Variants in TACR3 observed in about 807,000 individuals in gnomAD.
TACR3 encodes the protein tachykinin receptor 3.
In TACR3, 34 loss-of-function variants were observed where a neutral mutation model predicts 35.0. The observed-to-expected ratio is 0.97, with a 90% confidence interval of 0.74 to 1.30. The LOEUF is 1.30. TACR3 is among the 50% of genes most tolerant of loss of function. The probability of loss-of-function intolerance (pLI) is 0.00; values close to 1 mark genes in which losing one functional copy is unlikely to be tolerated. For missense variants in TACR3, 558 were observed against 591.7 expected, an observed-to-expected ratio of 0.94 and a Z score of 0.59; for synonymous variants, 233 against 221.1, an observed-to-expected ratio of 1.05 and a Z score of -0.48.
chr4:103,611,776 C>T (rs955762404), intron 3 of TACR3, among the ~76,000 whole-genome samples: 5 of 152,132 alleles, frequency 3.3e-5, no homozygotes, highest in African/African-American at 9.7e-5. Flanking sequence ...AACATCCACA[C>T]CTCAGTAAGT....
chr4:103,714,849 G>A (rs1476484671), intron 1 of TACR3, among the ~76,000 whole-genome samples: 1 of 152,078 alleles, frequency 6.6e-6, no homozygotes, highest in Non-Finnish European at 1.5e-5. Context: ...TAAGACCTCA[G>A]TATTTCTCAT....
intron 1 of TACR3, among the ~76,000 whole-genome samples, chr4:103,676,135 T>C (rs1237907205): frequency 6.6e-6 from 1 of 152,198 alleles, no homozygotes; most frequent in Non-Finnish European, 1.5e-5. Flanking sequence ...TACTGATTTA[T>C]TCTTCTCTGT....
chr4:103,598,202 A>G (rs1226233219), intron 3 of TACR3, among the ~76,000 whole-genome samples: 1 of 152,186 alleles, frequency 6.6e-6, no homozygotes, highest in Non-Finnish European at 1.5e-5. Context: ...TCTGATGGCC[A>G]GTGATGGTGA....
intron 1 of TACR3, among the ~76,000 whole-genome samples, chr4:103,712,227 G>A (rs911038991): frequency 7.9e-5 from 12 of 152,106 alleles, no homozygotes; most frequent in East Asian, 3.9e-4. Context: ...GAGGCATCAC[G>A]CTACCTGACT....
chr4:103,599,766 T>A (rs1238519716), intron 3 of TACR3, among the ~76,000 whole-genome samples: 1 of 152,226 alleles, frequency 6.6e-6, no homozygotes, highest in South Asian at 2.1e-4. Context: ...TTTGTTGATT[T>A]GCGTATGTCG....
At chr4:103,630,454 A>G (rs1211185184) in intron 3 of TACR3, among the ~76,000 whole-genome samples, 1 of 152,226 alleles carries the variant, frequency 6.6e-6, no homozygotes, top group Non-Finnish European at 1.5e-5. Context: ...CAAACGGCTA[A>G]TATCCAGAAT....
At chr4:103,628,980 T>A (rs1181261569) in intron 3 of TACR3, among the ~76,000 whole-genome samples, 3 of 152,184 alleles carry the variant, frequency 2.0e-5, no homozygotes, top group African/African-American at 7.2e-5. Flanking sequence ...CAAGGCTGGT[T>A]CAACAGACAC....
chr4:103,604,862 G>A (rs1724311260), intron 3 of TACR3, among the ~76,000 whole-genome samples: 1 of 151,030 alleles, frequency 6.6e-6, no homozygotes, highest in South Asian at 2.1e-4. Context: ...TAAGTTTTAG[G>A]GTACATGTGC....
At chr4:103,667,128 C>T (rs1161897107) in intron 1 of TACR3, among the ~76,000 whole-genome samples, 1 of 152,052 alleles carries the variant, frequency 6.6e-6, no homozygotes, top group African/African-American at 2.4e-5. Flanking sequence ...CTTGATGGTG[C>T]ATGCCTGTAA....
chr4:103,658,564 AATC>A (rs1454881810), intron 1 of TACR3, among the ~76,000 whole-genome samples, 161 bp from the exon 2 acceptor site: 1 of 152,152 alleles, frequency 6.6e-6, no homozygotes, highest in African/African-American at 2.4e-5. Flanking sequence ...GTAGAATGGT[AATC>A]ATGGCATAGT....
At chr4:103,704,964 T>C (rs1722751243) in intron 1 of TACR3, among the ~76,000 whole-genome samples, 1 of 152,188 alleles carries the variant, frequency 6.6e-6, no homozygotes, top group African/African-American at 2.4e-5. Context: ...AATATGTAAT[T>C]TTTTATTTCT....
chr4:103,628,176 G>A (rs1724949835), intron 3 of TACR3, among the ~76,000 whole-genome samples: 1 of 152,110 alleles, frequency 6.6e-6, no homozygotes, highest in African/African-American at 2.4e-5. Flanking sequence ...AGCACTAAAT[G>A]CCCACAAGAG....
chr4:103,617,335 A>G (rs541830493), intron 3 of TACR3, among the ~76,000 whole-genome samples: 2 of 152,298 alleles, frequency 1.3e-5, no homozygotes, highest in South Asian at 2.1e-4. Context: ...CAAATCTTAG[A>G]ATAATATCTT....
At chr4:103,615,586 A>C (rs1724636187) in intron 3 of TACR3, among the ~76,000 whole-genome samples, 1 of 152,210 alleles carries the variant, frequency 6.6e-6, no homozygotes, top group Admixed American at 6.5e-5. Flanking sequence ...ATATTCCTTG[A>C]ATAGCTTTCC....
intron 3 of TACR3, among the ~76,000 whole-genome samples, chr4:103,641,420 A>G (rs1725353607): frequency 6.6e-6 from 1 of 152,030 alleles, no homozygotes; most frequent in African/African-American, 2.4e-5. Flanking sequence ...TAAAACCGCA[A>G]TGATATATTA....
chr4:103,626,194 G>A (rs563719175), intron 3 of TACR3, among the ~76,000 whole-genome samples: 6 of 152,190 alleles, frequency 3.9e-5, no homozygotes, highest in East Asian at 1.9e-4. Context: ...GTGAACTGAC[G>A]TTTGTATTGT....
intron 3 of TACR3, among the ~76,000 whole-genome samples, chr4:103,650,477 T>G (rs1194743139): frequency 7.5e-6 from 1 of 133,832 alleles, no homozygotes; most frequent in Non-Finnish European, 1.6e-5. Context: ...TTATATATAT[T>G]TATATATAAA....
rs1190628455 is a variant in TACR3 at position 103,655,192 on chromosome 4, GA to G, written c.888+1001del. 2.0e-5 allele frequency among the ~76,000 whole-genome samples: 3 copies of G among 152,176 alleles called. No individual in the cohort carries two copies. In the East Asian group the frequency reaches 5.8e-4, roughly 29 times the overall value. On this transcript the variant is annotated intron_variant, in intron 3 of 4. Transcript: ENST00000304883. Reference sequence around the variant, plus strand: ...TCTAGTATTATTTGTCAATATCAGAGAAAAAGCACTATTAAAATGGAATCCA... The same window carrying G: ...TCTAGTATTATTTGTCAATATCAGAGAAAAGCACTATTAAAATGGAATCCA...
chr4:103,718,951 A>G (rs1297987714), intron 1 of TACR3, among the ~76,000 whole-genome samples, 177 bp downstream of exon 1: 1 of 152,090 alleles, frequency 6.6e-6, no homozygotes, highest in Non-Finnish European at 1.5e-5. Flanking sequence ...GGAAGCAGAA[A>G]CTTGTTCAGC....
Sources: gnomAD v4.1 joint callset for allele counts (sites outside exome capture counted in the v4.1 genomes callset) on GRCh38, gnomAD v4.1.1 for gene constraint, MANE v1.5 for transcripts, NCBI Gene and HGNC (gene_info 2026-07-23, HGNC 2026-07-21) for gene names.